The following PPWD1 variants were observed in gnomAD, a reference collection of about 807,000 sequenced individuals.
PPWD1 encodes peptidylprolyl isomerase domain and WD repeat containing 1, also known as peptidylprolyl isomerase domain and WD repeat-containing protein 1.
A neutral mutation model predicts 68.8 loss-of-function variants in PPWD1; 43 were observed. That is an observed-to-expected ratio of 0.62 (90% confidence interval 0.49 to 0.81). The LOEUF (loss-of-function observed/expected upper bound fraction) is 0.81, where lower values mean the gene tolerates loss of function less well. Among genes scored for constraint, PPWD1 ranks in the 30% least tolerant of loss-of-function variants. The pLI, the probability that PPWD1 is intolerant of heterozygous loss-of-function variation, is 0.00. For missense variants in PPWD1, 672 were observed against 804.8 expected, an observed-to-expected ratio of 0.83 and a Z score of 2.00; for synonymous variants, 232 against 258.7, an observed-to-expected ratio of 0.90 and a Z score of 0.99.
chr5:65,573,522 T>G (rs1335508619), intron 5 of PPWD1, among the ~76,000 whole-genome samples: 3 of 34,378 alleles, frequency 8.7e-5, no homozygotes, highest in African/African-American at 4.6e-4. Context: ...GATGGTTTTT[T>G]TTTTTTTTTT....
intron 3 of PPWD1, 70 bp downstream of exon 3, chr5:65,569,802 AT>A (rs1021532694): frequency 7.7e-5 from 119 of 1,548,926 alleles, no homozygotes; most frequent in East Asian, 1.8e-4. Context: ...AATTTTTTAA[AT>A]TTTTTTTCTT....
rs1443421022 is a variant in PPWD1, at chr5:65,571,844, T to C, written c.527T>C (p.Phe176Ser). The C allele has an allele frequency of 6.2e-7, 1 of 1,613,366 alleles. No homozygotes were observed. The highest frequency in any genetic ancestry group is 8.5e-7 in the Non-Finnish European group (1 of 1,179,472). The stretch of plus-strand genomic sequence containing the variant: ...TCAATTCTTTACGATTTTAGCTATT[T>C]TCCTGGACAGTGTGAGTGGATCTAT... ...DMINMLKLGY[F>S]PGQCEWIYCP... The change falls in exon 5 of 11, where the codon TTT (phenylalanine) becomes TCT (serine). Residue 176 changes from phenylalanine to serine, a missense_variant. By Grantham distance (155) the Phe-to-Ser change is radical. Around this residue, in one of 2 missense-constraint regions of PPWD1, gnomAD observed 484 missense variants for 646.2 expected, o/e 0.75. Transcript: ENST00000261308.
intron 6 of PPWD1, among the ~76,000 whole-genome samples, chr5:65,577,777 A>T (rs1275265575): frequency 6.6e-6 from 1 of 152,232 alleles, no homozygotes; most frequent in Non-Finnish European, 1.5e-5. Context: ...AGAGGAAGAT[A>T]CAGAGATTTT....
At chr5:65,573,537 T>TTTTTTTTG (rs1753131048) in intron 5 of PPWD1, among the ~76,000 whole-genome samples, 1 of 46,648 alleles carries the variant, frequency 2.1e-5, no homozygotes, top group East Asian at 5.4e-4. Flanking sequence ...TTTTTTTTTT[T>TTTTTTTTG]TTTTTTTTTT....
Position 65,577,315 on chromosome 5 carries a change from GTGTGTTTTTTT to G in PPWD1, c.1160+248_1160+258del, listed in dbSNP as rs1304973586. Among the ~76,000 whole-genome samples, 143 of 152,252 alleles carry G rather than the reference GTGTGTTTTTTT, an allele frequency of 9.4e-4. 1 individual carries two copies. Among genetic ancestry groups the G allele is most frequent in the African/African-American group, 3.4e-3 (141 of 41,548 alleles). ...AAGATATGCATAGTTTCAAGTTGTTGTGTGTTTTTTTTAACAAGTTTGTCTGTCTTTTGCTT... is the reference window on the plus strand; with the variant it reads ...AAGATATGCATAGTTTCAAGTTGTTGTAACAAGTTTGTCTGTCTTTTGCTT... On this transcript the variant is annotated intron_variant, in intron 6 of 10. Coordinates refer to ENST00000261308, the MANE Select transcript of PPWD1 (RefSeq NM_015342.4).
At position 65,570,011 on chromosome 5, in the gene PPWD1, A is replaced by G; in HGVS notation, c.521+13A>G. On this transcript the variant is annotated intron_variant, in intron 4 of 10. Coordinates refer to ENST00000261308, the MANE Select transcript of PPWD1 (RefSeq NM_015342.4). ...TGCTGAAACTTGGGTGAGTCTTTTT[A>G]AAAGTATATATATTTTAACTTATTG... The G allele has an allele frequency of 6.3e-7, 1 of 1,599,956 alleles. No individual in the cohort carries two copies. Among genetic ancestry groups the G allele is most frequent in the Non-Finnish European group, 8.5e-7 (1 of 1,169,900 alleles).
rs1752945211 is a variant in PPWD1, at chr5:65,569,957, T to C, written c.480T>C (p.Phe160=). 10 of 1,612,378 alleles carry C rather than the reference T, an allele frequency of 6.2e-6. No homozygotes were observed. The highest frequency in any genetic ancestry group is 7.6e-6 in the Non-Finnish European group (9 of 1,178,836). Residue 160 remains phenylalanine, a synonymous_variant, in exon 4 of 11, where the codon TTT becomes TTC. Transcript: ENST00000261308. ...GTGATGATAAAGCAATGAAGGTGTT[T>C]GATGTAGTGAACTTTGACATGATCA... ...SVGDDKAMKV[F]DVVNFDMINM...
chr5:65,579,868 G>A (rs1753519322), intron 7 of PPWD1, among the ~76,000 whole-genome samples: 1 of 152,162 alleles, frequency 6.6e-6, no homozygotes, highest in Non-Finnish European at 1.5e-5. Flanking sequence ...TTAGATAGTA[G>A]GAAGTTAGTG....
At chr5:65,571,378 A>T (rs1389459976) in intron 4 of PPWD1, among the ~76,000 whole-genome samples, 2 of 152,310 alleles carry the variant, frequency 1.3e-5, no homozygotes, top group South Asian at 4.1e-4. Context: ...GTTTTAGGAC[A>T]GTGTTTTTCT....
At chr5:65,568,486 C>T (rs546199365) in intron 2 of PPWD1, among the ~76,000 whole-genome samples, 4 of 152,120 alleles carry the variant, frequency 2.6e-5, no homozygotes, top group Admixed American at 6.5e-5. Flanking sequence ...ATTTCTTGTA[C>T]GGGTTTTGAA....
In PPWD1 at chr5:65,584,979, A is replaced by T. The variant is rs141323857; in HGVS notation, c.1533-35A>T. ...AAGAAAACTGTTTTAAGATGCTCTG[A>T]ATAGGTTTCATATTTGTAACATATG... On this transcript the variant is annotated intron_variant, in intron 8 of 10. Coordinates refer to ENST00000261308, the MANE Select transcript of PPWD1 (RefSeq NM_015342.4). 1.7e-3 allele frequency: 2,771 copies of T among 1,604,754 alleles called. 35 individuals are homozygous for T. The African/African-American group carries it at 0.033, about 19-fold the overall frequency.
In PPWD1 at chr5:65,571,714, T is replaced by G. The variant is rs866168128; in HGVS notation, c.522-125T>G. On this transcript the variant is annotated intron_variant, in intron 4 of 10. Coordinates refer to ENST00000261308, the MANE Select transcript of PPWD1 (RefSeq NM_015342.4). ...CCTCCCCATTCTGTGTCTCTGCTAC[T>G]TTTGAGCAAGGAATCCAAAACTGTC... The G allele has an allele frequency of 1.5e-5, 21 of 1,423,836 alleles. No homozygotes were observed. In the Middle Eastern group the frequency reaches 3.3e-3, roughly 221 times the overall value. 88.2% of individuals were successfully genotyped at this position (1,423,836 alleles called of 1,614,324 possible). A position where few individuals can be genotyped will look rare whatever the true frequency, so the allele number is the denominator to read the frequency against.
At chr5:65,565,618 A>G (rs183180289) in intron 1 of PPWD1, among the ~76,000 whole-genome samples, 292 of 151,938 alleles carry the variant, frequency 1.9e-3, no homozygotes, top group Middle Eastern at 3.4e-3. Context: ...CCTGACCAAC[A>G]TGGTGAAACC....
chr5:65,578,897 C>T (rs1387760596), intron 6 of PPWD1, among the ~76,000 whole-genome samples: 1 of 150,900 alleles, frequency 6.6e-6, no homozygotes, highest in Non-Finnish European at 1.5e-5. Context: ...TGTGACTTTT[C>T]ATTCTCTTGA....
chr5:65,571,718 G>A (rs1753011409), intron 4 of PPWD1, 121 bp from the exon 5 acceptor site: 1 of 1,430,844 alleles, frequency 7.0e-7, no homozygotes, highest in African/African-American at 1.4e-5. Flanking sequence ...TGCTACTTTT[G>A]AGCAAGGAAT....
At chr5:65,566,745 CCCTCCCTT>C (rs1752787599) in intron 1 of PPWD1, among the ~76,000 whole-genome samples, 1 of 151,790 alleles carries the variant, frequency 6.6e-6, no homozygotes, top group African/African-American at 2.4e-5. Context: ...TTCTCTCCCT[CCCTCCCTT>C]CGTCTTTCTT....
In PPWD1 at chr5:65,587,334, G is replaced by A; in HGVS notation, c.1879G>A (p.Val627Ile). 6.2e-7 allele frequency: 1 copy of A among 1,612,768 alleles called. No individual in the cohort carries two copies. The highest frequency in any genetic ancestry group is 1.3e-5 in the African/African-American group (1 of 74,946). Residue 627 changes from valine to isoleucine, a missense_variant, in exon 11 of 11, where the codon GTC (valine) becomes ATC (isoleucine). Val to Ile is a conservative substitution (Grantham distance 29). This residue lies in a region of PPWD1 where 484 missense variants were observed against 646.2 expected (regional missense o/e 0.75). Transcript: ENST00000261308. The stretch of plus-strand genomic sequence containing the variant: ...TGTACAGAGGATCTCCAACGTCAAA[G>A]TCAATCCCAAAACAGATAAGCCCTA... Reference protein sequence around the residue: ...EVVQRISNVKVNPKTDKPYED... With the variant: ...EVVQRISNVKINPKTDKPYED...
At chr5:65,574,255 C>T (rs1319058164) in intron 5 of PPWD1, among the ~76,000 whole-genome samples, 1 of 152,138 alleles carries the variant, frequency 6.6e-6, no homozygotes, top group East Asian at 1.9e-4. Context: ...GACAAATTTT[C>T]TTGTTGGAAG....
chr5:65,573,903 G>C (rs1753154209), intron 5 of PPWD1, among the ~76,000 whole-genome samples: 1 of 152,098 alleles, frequency 6.6e-6, no homozygotes, highest in South Asian at 2.1e-4. Context: ...ACAAGAATTT[G>C]TTACAGCATG....
Sources: allele counts gnomAD v4.1 joint callset (sites outside exome capture counted in the v4.1 genomes callset), GRCh38; gene constraint gnomAD v4.1.1; regional missense constraint gnomAD v4.1.1; transcripts MANE v1.5; gene names NCBI Gene and HGNC (gene_info 2026-07-23, HGNC 2026-07-21).